Variants in ST8SIA4 observed in about 807,000 individuals in gnomAD.
ST8SIA4 encodes the protein ST8 alpha-N-acetyl-neuraminide alpha-2,8-sialyltransferase 4, also known as CMP-N-acetylneuraminate-poly-alpha-2,8-sialyltransferase.
ST8SIA4 carries 15 observed loss-of-function variants against 33.9 expected under a neutral mutation model. The observed-to-expected ratio is 0.44, with a 90% confidence interval of 0.30 to 0.68. The LOEUF (loss-of-function observed/expected upper bound fraction) is 0.68, where lower values mean the gene tolerates loss of function less well. ST8SIA4 is among the 30% of genes least tolerant of loss of function. ST8SIA4 has a pLI of 0.10. For missense variants in ST8SIA4, 321 were observed against 428.0 expected (o/e 0.75, Z 2.21); for synonymous variants, 171 against 151.2 (o/e 1.13, Z -0.96).
intron 4 of ST8SIA4, among the ~76,000 whole-genome samples, chr5:100,839,180 A>G (rs142521253): frequency 1.3e-5 from 2 of 152,114 alleles, no homozygotes; most frequent in South Asian, 4.1e-4. Context: ...CAAAAAAATT[A>G]TATTTAATTA....
chr5:100,901,182 G>C (rs1251547324), intron 1 of ST8SIA4, among the ~76,000 whole-genome samples: 1 of 152,168 alleles, frequency 6.6e-6, no homozygotes, highest in East Asian at 1.9e-4. Context: ...CCTTTTCCTG[G>C]CCACGGTTTA....
At chr5:100,868,515 T>G (rs909382821) in intron 3 of ST8SIA4, among the ~76,000 whole-genome samples, 3 of 152,052 alleles carry the variant, frequency 2.0e-5, no homozygotes, top group Non-Finnish European at 2.9e-5. Flanking sequence ...GGTGTTTTGT[T>G]GTTTAAAATG....
intron 4 of ST8SIA4, among the ~76,000 whole-genome samples, chr5:100,829,975 G>T (rs1751218770): frequency 6.6e-6 from 1 of 150,840 alleles, no homozygotes; most frequent in African/African-American, 2.4e-5. Context: ...AAGGAAAAAT[G>T]ATCTTTCCAA....
intron 4 of ST8SIA4, among the ~76,000 whole-genome samples, chr5:100,843,836 T>C (rs1261912233): frequency 6.6e-6 from 1 of 151,944 alleles, no homozygotes; most frequent in Non-Finnish European, 1.5e-5. Context: ...AAATCCCTTC[T>C]TTTAATCTCA....
chr5:100,815,917 T>A (rs1016296767), intron 4 of ST8SIA4, among the ~76,000 whole-genome samples: 17 of 152,190 alleles, frequency 1.1e-4, no homozygotes, highest in Non-Finnish European at 1.3e-4. Flanking sequence ...TAAGCAATAC[T>A]ACTTGGCTCT....
intron 2 of ST8SIA4, chr5:100,890,722 A>C (rs1483866582): frequency 6.6e-6 from 1 of 151,934 alleles, no homozygotes; most frequent in African/African-American, 2.4e-5. Flanking sequence ...TCAACTTTTG[A>C]ATCCTCATTA....
At chr5:100,870,401 T>A (rs924137896) in intron 3 of ST8SIA4, among the ~76,000 whole-genome samples, 10 of 152,184 alleles carry the variant, frequency 6.6e-5, no homozygotes, top group African/African-American at 2.4e-4. Context: ...AGTGATTTAA[T>A]TTAATTTGTA....
intron 3 of ST8SIA4, among the ~76,000 whole-genome samples, chr5:100,856,764 A>C (rs918214369): frequency 6.6e-6 from 1 of 152,188 alleles, no homozygotes; most frequent in East Asian, 1.9e-4. Context: ...TTTAAACCAC[A>C]TGCTGCTCTA....
At position 100,808,447 on chromosome 5, in the gene ST8SIA4, T is replaced by C. The variant is rs1413301849; in HGVS notation, c.*3400A>G. ...CTTGCTCACTTTTTATTTCAGCAAC[T>C]TAACATTAACTACAGCACAGGCTGA... On this transcript the variant is annotated 3_prime_UTR_variant, in exon 5 of 5. Coordinates refer to ENST00000231461, the MANE Select transcript of ST8SIA4 (RefSeq NM_005668.6). 6.6e-6 allele frequency: 1 copy of C among 152,646 alleles called. No individual in the cohort carries two copies. The highest frequency in any genetic ancestry group is 2.4e-5 in the African/African-American group (1 of 41,460). 9.5% of individuals were successfully genotyped at this position (152,646 alleles called of 1,614,324 possible).
chr5:100,860,615 C>A (rs1051954927), intron 3 of ST8SIA4, among the ~76,000 whole-genome samples: 1 of 152,138 alleles, frequency 6.6e-6, no homozygotes, highest in Non-Finnish European at 1.5e-5. Flanking sequence ...AAAGTAGTAT[C>A]AACTTCACTT....
intron 4 of ST8SIA4, among the ~76,000 whole-genome samples, chr5:100,822,677 G>A (rs909407698): frequency 2.0e-4 from 30 of 152,238 alleles, no homozygotes; most frequent in Admixed American, 8.5e-4. Context: ...ATGTGTCAGA[G>A]GCATTTGAAA....
intron 4 of ST8SIA4, among the ~76,000 whole-genome samples, chr5:100,832,346 T>TA (rs1048313617): frequency 4.6e-5 from 7 of 151,264 alleles, no homozygotes; most frequent in Admixed American, 1.3e-4. Context: ...TCTCAATTTC[T>TA]AAAAAAAAAT....
intron 2 of ST8SIA4, among the ~76,000 whole-genome samples, chr5:100,892,922 G>T (rs1205130702): frequency 2.0e-5 from 3 of 152,086 alleles, no homozygotes; most frequent in East Asian, 3.9e-4. Flanking sequence ...GTTGATAGGT[G>T]CAGCAAACCA....
At chr5:100,815,192 G>A (rs942063184) in intron 4 of ST8SIA4, among the ~76,000 whole-genome samples, 3 of 151,672 alleles carry the variant, frequency 2.0e-5, no homozygotes, top group Non-Finnish European at 4.4e-5. Context: ...CCAAATCCAT[G>A]TAAGCTCCTT....
intron 4 of ST8SIA4, among the ~76,000 whole-genome samples, chr5:100,822,398 C>A (rs529856373): frequency 1.3e-5 from 2 of 152,118 alleles, no homozygotes; most frequent in Non-Finnish European, 2.9e-5. Context: ...TGAACAACTT[C>A]GGTACAGTGA....
intron 3 of ST8SIA4, among the ~76,000 whole-genome samples, chr5:100,858,042 A>T (rs1420630167): frequency 6.6e-6 from 1 of 152,036 alleles, no homozygotes; most frequent in African/African-American, 2.4e-5. Flanking sequence ...GACTACCCAG[A>T]AAAAGATTTG....
chr5:100,822,932 T>C lies in ST8SIA4; in HGVS notation c.798-10803A>G, dbSNP rs375433311. Among the ~76,000 whole-genome samples the C allele has an allele frequency of 6.9e-4, 105 of 151,952 alleles. 1 individual carries two copies. Among genetic ancestry groups the C allele is most frequent in the East Asian group, 2.3e-3 (12 of 5,156 alleles). On this transcript the variant is annotated intron_variant, in intron 4 of 4. Transcript: ENST00000231461. ...GGATCACGAGGTCAGGAGATTGAGATCATCCTGGCTAACACGGTGAAACCC... is the reference window on the plus strand; with the variant it reads ...GGATCACGAGGTCAGGAGATTGAGACCATCCTGGCTAACACGGTGAAACCC...
At chr5:100,901,064 G>A (rs1752899017) in intron 1 of ST8SIA4, among the ~76,000 whole-genome samples, 1 of 152,226 alleles carries the variant, frequency 6.6e-6, no homozygotes, top group South Asian at 2.1e-4. Flanking sequence ...AACGCCTAGG[G>A]CTGCGCCCAC....
chr5:100,884,689 A>C (rs1286114964), intron 3 of ST8SIA4, among the ~76,000 whole-genome samples: 1 of 152,196 alleles, frequency 6.6e-6, no homozygotes, highest in East Asian at 1.9e-4. Flanking sequence ...GTAGTTTAGG[A>C]ATTGAAATAA....
Sources: allele counts gnomAD v4.1 joint callset (sites outside exome capture counted in the v4.1 genomes callset), GRCh38; gene constraint gnomAD v4.1.1; transcripts MANE v1.5; gene names NCBI Gene and HGNC (gene_info 2026-07-23, HGNC 2026-07-21).